The following GDAP2 variants were observed in gnomAD, a reference collection of about 807,000 sequenced individuals.
GDAP2 encodes ganglioside-induced differentiation-associated protein 2.
GDAP2 carries 51 observed loss-of-function variants against 67.0 expected under a neutral mutation model. The observed-to-expected ratio is 0.76, with a 90% CI of 0.61 to 0.96. The LOEUF is 0.96. GDAP2 is among the 40% of genes least tolerant of loss of function. The pLI, the probability that GDAP2 is intolerant of heterozygous loss-of-function variation, is 0.00. For synonymous variants in GDAP2, 203 were observed against 207.3 expected, an observed-to-expected ratio of 0.98 and a Z score of 0.18; for missense variants, 547 against 588.3, an observed-to-expected ratio of 0.93 and a Z score of 0.73.
At chr1:117,898,714 T>A (rs893879021) in intron 7 of GDAP2, among the ~76,000 whole-genome samples, 2 of 152,174 alleles carry the variant, frequency 1.3e-5, no homozygotes, top group African/African-American at 4.8e-5. Context: ...TTAAGTATGA[T>A]TTTTAGAGGA....
At chr1:117,912,353 C>T (rs1295739971) in intron 4 of GDAP2, among the ~76,000 whole-genome samples, 177 bp downstream of exon 4, 2 of 152,062 alleles carry the variant, frequency 1.3e-5, no homozygotes, top group Non-Finnish European at 2.9e-5. Context: ...CCCATTTATC[C>T]CGCTAAGTTT....
intron 3 of GDAP2, chr1:117,913,320 A>T (rs562160367): frequency 6.6e-6 from 1 of 152,306 alleles, no homozygotes; most frequent in South Asian, 2.1e-4. Context: ...GGTGCTAAAA[A>T]GAGGAGGTCC....
chr1:117,890,281 T>C (rs1174108576), intron 8 of GDAP2, among the ~76,000 whole-genome samples: 3 of 152,216 alleles, frequency 2.0e-5, no homozygotes, highest in East Asian at 1.9e-4. Flanking sequence ...ACTTCTACCA[T>C]GTTCAGTGCA....
intron 1 of GDAP2, among the ~76,000 whole-genome samples, chr1:117,922,211 T>C (rs571909768): frequency 3.9e-5 from 6 of 152,200 alleles, no homozygotes; most frequent in African/African-American, 1.2e-4. Context: ...TTTAAAGCTA[T>C]GGAAACTGGA....
intron 1 of GDAP2, among the ~76,000 whole-genome samples, chr1:117,928,978 C>T (rs1650572193): frequency 6.6e-6 from 1 of 152,182 alleles, no homozygotes; most frequent in South Asian, 2.1e-4. Flanking sequence ...AGCGGAAACA[C>T]AAAGCCAGGC....
chr1:117,916,799 C>T (rs377201021), intron 3 of GDAP2, among the ~76,000 whole-genome samples: 2 of 152,010 alleles, frequency 1.3e-5, no homozygotes. Context: ...ATTGGGAGGC[C>T]GAGGCAGGCA....
At chr1:117,885,440 T>C (rs1648819405) in intron 10 of GDAP2, among the ~76,000 whole-genome samples, 1 of 152,216 alleles carries the variant, frequency 6.6e-6, no homozygotes, top group African/African-American at 2.4e-5. Context: ...TGAAGGTCAA[T>C]GTAGATACAA....
chr1:117,877,622 T>A, intron 13 of GDAP2: 3 of 994,236 alleles, frequency 3.0e-6, no homozygotes, highest in Non-Finnish European at 3.6e-6. Flanking sequence ...ATAGGCCACA[T>A]GATTTGCAAT....
chr1:117,916,696 A>G (rs2101161046), intron 3 of GDAP2, among the ~76,000 whole-genome samples: 1 of 152,274 alleles, frequency 6.6e-6, no homozygotes, highest in South Asian at 2.1e-4. Flanking sequence ...TATGTGAGGG[A>G]TAAGAAAAAG....
In GDAP2 at chr1:117,908,607, G is replaced by A. The variant is rs1298836198; in HGVS notation, c.560-2025C>T. Among the ~76,000 whole-genome samples, 3 of 152,020 alleles carry A rather than the reference G, an allele frequency of 2.0e-5. No individual in the cohort carries two copies. In the East Asian group the frequency reaches 5.8e-4, roughly 29 times the overall value. The stretch of plus-strand genomic sequence containing the variant: ...GGAGGTGAGGGCAAGACGATTACTT[G>A]AGCCTGAGTTCAAGACTAGTTTGGG... On this transcript the variant is annotated intron_variant, in intron 5 of 13. Transcript: ENST00000369443.
chr1:117,910,270 CGG>C (rs869251885), intron 5 of GDAP2, among the ~76,000 whole-genome samples: 1 of 149,508 alleles, frequency 6.7e-6, no homozygotes, highest in African/African-American at 2.5e-5. Flanking sequence ...ATTTGTACAA[CGG>C]ACACCACACT....
chr1:117,924,942 C>T (rs1650391118), intron 1 of GDAP2, among the ~76,000 whole-genome samples: 1 of 151,908 alleles, frequency 6.6e-6, no homozygotes, highest in African/African-American at 2.4e-5. Context: ...TGACGCTTGA[C>T]AAAAGTTCAT....
chr1:117,915,344 TAGAC>T (rs1650011773), intron 3 of GDAP2, among the ~76,000 whole-genome samples: 1 of 152,202 alleles, frequency 6.6e-6, no homozygotes, highest in Non-Finnish European at 1.5e-5. Context: ...GTCAGTGTCA[TAGAC>T]AGGGGACTGT....
intron 8 of GDAP2, among the ~76,000 whole-genome samples, chr1:117,889,280 C>T (rs575706916): frequency 1.3e-5 from 2 of 152,116 alleles, no homozygotes; most frequent in South Asian, 4.1e-4. Flanking sequence ...CTGAATCAAG[C>T]TAATGAACAT....
intron 8 of GDAP2, among the ~76,000 whole-genome samples, chr1:117,891,032 A>C (rs1223791860): frequency 6.6e-6 from 1 of 151,738 alleles, no homozygotes; most frequent in Non-Finnish European, 1.5e-5. Context: ...GGGATGTTCA[A>C]CTGGTAAGTA....
At chr1:117,886,029 T>C (rs1648840865) in intron 10 of GDAP2, among the ~76,000 whole-genome samples, 1 of 152,160 alleles carries the variant, frequency 6.6e-6, no homozygotes, top group South Asian at 2.1e-4. Flanking sequence ...TGACAATAAT[T>C]ATTTAAGAGT....
chr1:117,924,800 C>T (rs1650386827), intron 1 of GDAP2, among the ~76,000 whole-genome samples: 7 of 152,118 alleles, frequency 4.6e-5, no homozygotes, highest in Admixed American at 3.9e-4. Flanking sequence ...TTTAGTCCAT[C>T]AAATTGGTCT....
intron 6 of GDAP2, among the ~76,000 whole-genome samples, chr1:117,901,093 A>T (rs1169431665): frequency 6.6e-6 from 1 of 152,138 alleles, no homozygotes; most frequent in Non-Finnish European, 1.5e-5. Flanking sequence ...TAAAAATGGA[A>T]TACAGTATGT....
At chr1:117,894,535 T>C (rs1649202989) in intron 8 of GDAP2, among the ~76,000 whole-genome samples, 1 of 152,220 alleles carries the variant, frequency 6.6e-6, no homozygotes, top group Admixed American at 6.5e-5. Context: ...TTATTAATTT[T>C]ATTAAATCAG....
Sources: allele counts gnomAD v4.1 joint callset (sites outside exome capture counted in the v4.1 genomes callset), GRCh38; gene constraint gnomAD v4.1.1; transcripts MANE v1.5; gene names NCBI Gene and HGNC (gene_info 2026-07-23, HGNC 2026-07-21).